Variants in WWOX observed in about 807,000 individuals in gnomAD.
The protein encoded by WWOX is WW domain containing oxidoreductase, also known as WW domain-containing oxidoreductase.
In WWOX, 69 loss-of-function variants were observed where a neutral mutation model predicts 46.2. That is an observed-to-expected ratio of 1.49 (90% CI 1.23 to 1.82). The LOEUF is 1.82. Among genes scored for constraint, WWOX ranks in the 40% most tolerant of loss-of-function variants. The pLI, the probability that WWOX is intolerant of heterozygous loss-of-function variation, is 0.00. For synonymous variants in WWOX, 359 were observed against 202.6 expected (o/e 1.77, Z -6.56); for missense variants, 919 against 542.6 (o/e 1.69, Z -6.89).
intron 8 of WWOX, among the ~76,000 whole-genome samples, chr16:78,596,377 G>C (rs1401094348): frequency 6.6e-6 from 1 of 152,118 alleles, no homozygotes; most frequent in Non-Finnish European, 1.5e-5. Flanking sequence ...GTGTGGTGGG[G>C]AAGGTGTACA....
intron 5 of WWOX, among the ~76,000 whole-genome samples, chr16:78,331,585 G>T (rs1322098045): frequency 6.6e-6 from 1 of 152,186 alleles, no homozygotes; most frequent in Non-Finnish European, 1.5e-5. Context: ...CACAGACGTG[G>T]CCCTGTAACC....
chr16:79,159,254 A>C (rs1164367754), intron 8 of WWOX, among the ~76,000 whole-genome samples: 2 of 152,204 alleles, frequency 1.3e-5, no homozygotes, highest in Non-Finnish European at 2.9e-5. Context: ...ACTCCCACCT[A>C]ATCTCATTCG....
chr16:78,891,538 A>T (rs561195571), intron 8 of WWOX: 2 of 152,208 alleles, frequency 1.3e-5, no homozygotes, highest in Non-Finnish European at 2.9e-5. Context: ...CACTACCCCT[A>T]GGTTACTGAC....
rs183961505 is a variant in WWOX at position 78,144,415 on chromosome 16, G to T, written c.410-19768G>T. Among the ~76,000 whole-genome samples the T allele has an allele frequency of 1.1e-3, 80 of 72,336 alleles. 1 individual carries two copies. Among genetic ancestry groups the T allele is most frequent in the African/African-American group, 3.7e-3 (76 of 20,566 alleles). 47.5% of individuals were successfully genotyped at this position (72,336 alleles called of 152,430 possible). ...TGTTTTATTAGGGTGGTGCAAACGT[G>T]GTTTTTGCCATTACTATATATATAT... On this transcript the variant is annotated intron_variant, in intron 4 of 8. Transcript: ENST00000566780.
chr16:78,339,083 C>T lies in WWOX; in HGVS notation c.517-47777C>T, dbSNP rs1007350836. 9.2e-5 allele frequency among the ~76,000 whole-genome samples: 11 copies of T among 119,720 alleles called. 4 individuals carry two copies. The highest frequency in any genetic ancestry group is 1.8e-4 in the Non-Finnish European group (9 of 50,280). 78.5% of individuals were successfully genotyped at this position (119,720 alleles called of 152,430 possible). A position where few individuals can be genotyped will look rare whatever the true frequency, so the allele number is the denominator to read the frequency against. On this transcript the variant is annotated intron_variant, in intron 5 of 8. Coordinates refer to ENST00000566780, the MANE Select transcript of WWOX (RefSeq NM_016373.4). ...TTAGCTTCCTTCTACTTTGGTGCCC[C>T]ATGATGATGTGCATCTTTTTTATTT...
intron 8 of WWOX, among the ~76,000 whole-genome samples, chr16:78,765,851 CAG>C (rs981184842): frequency 1.3e-5 from 2 of 152,266 alleles, no homozygotes; most frequent in Admixed American, 1.3e-4. Flanking sequence ...CCTAAGGGAA[CAG>C]AGAGGACAGA....
At position 78,147,949 on chromosome 16, in the gene WWOX, A is replaced by C. The variant is rs374295307; in HGVS notation, c.410-16234A>C. ...TCAAGGAACGGGGTCTCTTTGGATG[A>C]GTGTGTGCGTGTAGAATCCTGGTGG... On this transcript the variant is annotated intron_variant, in intron 4 of 8. Transcript: ENST00000566780. 2.8e-4 allele frequency among the ~76,000 whole-genome samples: 42 copies of C among 151,926 alleles called. No individual in the cohort carries two copies. In the South Asian group the frequency reaches 8.5e-3, roughly 31 times the overall value.
At chr16:78,356,314 TCA>T (rs1196719358) in intron 5 of WWOX, among the ~76,000 whole-genome samples, 2 of 93,350 alleles carry the variant, frequency 2.1e-5, no homozygotes, top group Non-Finnish European at 4.6e-5. Flanking sequence ...GATTTATGTC[TCA>T]CATATTCAAA....
intron 8 of WWOX, among the ~76,000 whole-genome samples, chr16:79,081,246 T>C (rs1357353964): frequency 6.6e-6 from 1 of 152,150 alleles, no homozygotes; most frequent in Non-Finnish European, 1.5e-5. Context: ...TCACTGCAAC[T>C]TCTGCCTCCC....
At chr16:78,772,600 C>T (rs961808498) in intron 8 of WWOX, among the ~76,000 whole-genome samples, 2 of 152,228 alleles carry the variant, frequency 1.3e-5, no homozygotes, top group African/African-American at 4.8e-5. Flanking sequence ...ATTAAACAAA[C>T]AAATAAAAAA....
In WWOX at chr16:78,924,647, C is replaced by T. The variant is rs533011590; in HGVS notation, c.1057-286961C>T. 2.6e-5 allele frequency among the ~76,000 whole-genome samples: 4 copies of T among 152,290 alleles called. No individual in the cohort carries two copies. In the South Asian group the frequency reaches 8.3e-4, roughly 32 times the overall value. Reference sequence around the variant, plus strand: ...ACTGTTTAGAAAGTGTTAATTTACTCCACGATTATCCATTCAACATTTATT... The same window carrying T: ...ACTGTTTAGAAAGTGTTAATTTACTTCACGATTATCCATTCAACATTTATT... On this transcript the variant is annotated intron_variant, in intron 8 of 8. Transcript: ENST00000566780.
At position 78,404,969 on chromosome 16, in the gene WWOX, G is replaced by C. The variant is rs188536102; in HGVS notation, c.605+18021G>C. On this transcript the variant is annotated intron_variant, in intron 6 of 8. Transcript: ENST00000566780. ...GCCATTGGGGCACAATTATCAAATGGATGCATTTTCCCTAGAAAACCATCT... is the reference window on the plus strand; with the variant it reads ...GCCATTGGGGCACAATTATCAAATGCATGCATTTTCCCTAGAAAACCATCT... 3.9e-5 allele frequency among the ~76,000 whole-genome samples: 6 copies of C among 152,318 alleles called. No individual in the cohort carries two copies. The East Asian group carries it at 1.2e-3, about 29-fold the overall frequency.
At chr16:78,187,700 A>G (rs1274307053) in intron 5 of WWOX, among the ~76,000 whole-genome samples, 1 of 152,258 alleles carries the variant, frequency 6.6e-6, no homozygotes, top group Non-Finnish European at 1.5e-5. Context: ...ATTGTGTAAC[A>G]GAAATCGGTT....
At chr16:78,181,005 A>T (rs2035515958) in intron 5 of WWOX, among the ~76,000 whole-genome samples, 1 of 152,002 alleles carries the variant, frequency 6.6e-6, no homozygotes, top group Non-Finnish European at 1.5e-5. Context: ...AAAGCTGAAA[A>T]CCCAGCTTGG....
chr16:79,203,363 T>A (rs1157106513), intron 8 of WWOX: 4 of 152,206 alleles, frequency 2.6e-5, no homozygotes, highest in Admixed American at 2.6e-4. Flanking sequence ...CGATTTGAAA[T>A]AGCGGGGCTG....
chr16:79,123,468 C>T (rs1398930604), intron 8 of WWOX, among the ~76,000 whole-genome samples: 1 of 152,104 alleles, frequency 6.6e-6, no homozygotes, highest in Non-Finnish European at 1.5e-5. Context: ...TTCCTGCTTG[C>T]CAGACACTGA....
intron 8 of WWOX, among the ~76,000 whole-genome samples, chr16:79,068,469 C>T (rs961962724): frequency 6.6e-6 from 1 of 152,006 alleles, no homozygotes; most frequent in Non-Finnish European, 1.5e-5. Flanking sequence ...TGTTCACGTG[C>T]CACATGGTTT....
chr16:78,790,886 G>A (rs1043179221), intron 8 of WWOX, among the ~76,000 whole-genome samples: 26 of 151,788 alleles, frequency 1.7e-4, no homozygotes, highest in Non-Finnish European at 1.3e-4. Context: ...GGGCGTTTTG[G>A]TGCTTGCTTG....
intron 8 of WWOX, among the ~76,000 whole-genome samples, chr16:78,662,781 T>C (rs1401263915): frequency 6.6e-6 from 1 of 152,104 alleles, no homozygotes; most frequent in Non-Finnish European, 1.5e-5. Context: ...GTTGGCAAGA[T>C]GTAGTGTTTT....
Sources: allele counts gnomAD v4.1 joint callset (sites outside exome capture counted in the v4.1 genomes callset), GRCh38; gene constraint gnomAD v4.1.1; transcripts MANE v1.5; gene names NCBI Gene and HGNC (gene_info 2026-07-23, HGNC 2026-07-21).